The following NUP62CL variants were observed in gnomAD, a reference collection of about 807,000 sequenced individuals.
The protein encoded by NUP62CL is nucleoporin 62 C-terminal like.
NUP62CL carries 13 observed loss-of-function variants against 15.3 expected under a neutral mutation model. That is an observed-to-expected ratio of 0.85 (90% CI 0.55 to 1.35). The LOEUF (loss-of-function observed/expected upper bound fraction) is 1.35. Among genes scored for constraint, NUP62CL ranks in the 40% most tolerant of loss-of-function variants. The pLI, the probability that NUP62CL is intolerant of heterozygous loss-of-function variation, is 0.00. For missense variants in NUP62CL, 123 were observed against 130.6 expected (o/e 0.94, Z 0.28); for synonymous variants, 54 against 49.2 (o/e 1.10, Z -0.41).
rs758293272 is a variant in NUP62CL at position 107,153,284 on chromosome X, TA to T, written c.417del (p.Phe139LeufsTer9). The T allele has an allele frequency of 8.3e-7, 1 of 1,207,433 alleles. No homozygotes were observed. The highest frequency in any genetic ancestry group is 2.2e-5 in the Admixed American group (1 of 45,795). Reference protein sequence around the residue: ...DQKRLEQELDFILSQQQELEF... With the variant: ...DQKRLEQELDXILSQQQELEF... ...TCTAGTTCCTGCTGCTGTGACAGGA[TA>T]AAATCCAATTCTTGTTCCAATCTGA... On this transcript the variant is annotated frameshift_variant, in exon 7 of 9. Transcript: ENST00000372466. LOFTEE classifies it high-confidence loss of function.
intron 4 of NUP62CL, among the ~76,000 whole-genome samples, chrX:107,164,400 A>G (rs1429797218): frequency 9.0e-6 from 1 of 111,166 alleles, no homozygotes; most frequent in Non-Finnish European, 1.9e-5. Flanking sequence ...AAAATAGGAA[A>G]AATCTCAAAT....
At chrX:107,164,229 T>C (rs541866539) in intron 4 of NUP62CL, among the ~76,000 whole-genome samples, 3 of 111,886 alleles carry the variant, frequency 2.7e-5, no homozygotes, top group African/African-American at 9.7e-5. Flanking sequence ...ACTTGGAAAT[T>C]AAACAACACA....
rs1159406482 is a variant in NUP62CL at position 107,206,253 on chromosome X, C to G, written c.-92+20G>C. On this transcript the variant is annotated intron_variant, in intron 1 of 8. Coordinates refer to ENST00000372466, the MANE Select transcript of NUP62CL (RefSeq NM_017681.3). ...GAAGCCTGCTGACGAACGGGACAAA[C>G]GAAAACCCCACAAACTTACCTTACT... The G allele has an allele frequency of 9.0e-6, 1 of 110,570 alleles. No individual in the cohort carries two copies. Among genetic ancestry groups the G allele is most frequent in the East Asian group, 2.9e-4 (1 of 3,508 alleles). The allele number at this position is 110,570 out of a possible 1,213,427, so 9.1% of individuals were successfully genotyped here.
chrX:107,143,386 A>ATT (rs530360538), intron 8 of NUP62CL, among the ~76,000 whole-genome samples: 9 of 106,091 alleles, frequency 8.5e-5, no homozygotes, highest in Non-Finnish European at 1.6e-4. Context: ...ACACCCAGCT[A>ATT]TTTTTTTTTT....
chrX:107,146,908 T>A (rs1391666857), intron 8 of NUP62CL, among the ~76,000 whole-genome samples: 3 of 111,390 alleles, frequency 2.7e-5, no homozygotes, highest in Admixed American at 9.6e-5. Context: ...TTGGTTCCTT[T>A]TAGTGTGAAT....
intron 4 of NUP62CL, among the ~76,000 whole-genome samples, chrX:107,156,713 C>A (rs1395881347): frequency 1.0e-5 from 1 of 97,288 alleles, no homozygotes; most frequent in Non-Finnish European, 2.1e-5. Flanking sequence ...AACTCTAAAA[C>A]GCAGAGCGCC....
chrX:107,191,727 T>A (rs1389222060), intron 2 of NUP62CL, among the ~76,000 whole-genome samples: 1 of 111,030 alleles, frequency 9.0e-6, no homozygotes, highest in African/African-American at 3.3e-5. Context: ...AAAGGACTTA[T>A]ACTTCCTCTT....
chrX:107,163,699 G>A (rs903145521), intron 4 of NUP62CL, among the ~76,000 whole-genome samples: 1 of 111,516 alleles, frequency 9.0e-6, no homozygotes, highest in South Asian at 3.7e-4. Flanking sequence ...TTTTTAAAAA[G>A]AAATGGCTAT....
intron 4 of NUP62CL, among the ~76,000 whole-genome samples, chrX:107,162,407 C>G (rs1477742492): frequency 2.3e-4 from 26 of 110,851 alleles, no homozygotes. Context: ...GAGAATAACT[C>G]AAATCCACGC....
At chrX:107,167,619 A>C (rs1926546850) in intron 4 of NUP62CL, 30 bp downstream of exon 4, 2 of 1,029,773 alleles carry the variant, frequency 1.9e-6, no homozygotes, top group Admixed American at 5.1e-5. Context: ...AAAATGAAAC[A>C]CATGCAAGTT....
At position 107,182,567 on chromosome X, in the gene NUP62CL, A is replaced by G. The variant is rs1019404303; in HGVS notation, c.-47-7374T>C. ...AGAATAGAGGTAGTGACCTTACACT[A>G]CAAGATAGGGGGGGCATGCTACAGT... On this transcript the variant is annotated intron_variant, in intron 2 of 8. Transcript: ENST00000372466. 4.3e-5 allele frequency among the ~76,000 whole-genome samples: 4 copies of G among 93,251 alleles called. No homozygotes were observed. In the Admixed American group the frequency reaches 4.8e-4, roughly 11 times the overall value. The allele number at this position is 93,251 out of a possible 115,157, so 81.0% of individuals were successfully genotyped here. A position where few individuals can be genotyped will look rare whatever the true frequency, so the allele number is the denominator to read the frequency against.
chrX:107,133,268 T>A (rs942517381), intron 8 of NUP62CL, among the ~76,000 whole-genome samples: 2 of 111,503 alleles, frequency 1.8e-5, no homozygotes, highest in African/African-American at 3.3e-5. Flanking sequence ...CTTCCATTCC[T>A]ACTGTTAAAT....
At chrX:107,199,395 C>T (rs1927430236) in intron 1 of NUP62CL, among the ~76,000 whole-genome samples, 1 of 111,830 alleles carries the variant, frequency 8.9e-6, no homozygotes, top group Non-Finnish European at 1.9e-5. Flanking sequence ...AGCCTGGGTA[C>T]CTATCATAAG....
chrX:107,145,340 TA>T (rs952485105), intron 8 of NUP62CL, among the ~76,000 whole-genome samples: 39 of 111,151 alleles, frequency 3.5e-4, no homozygotes, highest in African/African-American at 1.2e-3. Flanking sequence ...TAACTCTGGT[TA>T]ACTAGCTCCC....
At chrX:107,146,061 T>G in intron 8 of NUP62CL, among the ~76,000 whole-genome samples, 1 of 112,088 alleles carries the variant, frequency 8.9e-6, no homozygotes, top group East Asian at 2.8e-4. Flanking sequence ...TGGTATTGTA[T>G]ACTTCTTATC....
chrX:107,142,809 T>C (rs1925803612), intron 8 of NUP62CL, among the ~76,000 whole-genome samples: 1 of 112,026 alleles, frequency 8.9e-6, no homozygotes, highest in African/African-American at 3.2e-5. Flanking sequence ...TTTCAATGAC[T>C]ACCAACTCAG....
At chrX:107,185,459 A>T (rs1462960776) in intron 2 of NUP62CL, among the ~76,000 whole-genome samples, 1 of 111,149 alleles carries the variant, frequency 9.0e-6, no homozygotes, top group Non-Finnish European at 1.9e-5. Context: ...CAAATGGGGA[A>T]GGGTTAAGGG....
chrX:107,176,201 A>G (rs977305500), intron 2 of NUP62CL, among the ~76,000 whole-genome samples: 5 of 111,531 alleles, frequency 4.5e-5, no homozygotes, highest in Non-Finnish European at 9.4e-5. Flanking sequence ...TACTATAAAA[A>G]ATGGAGATTT....
At chrX:107,168,716 G>A in intron 3 of NUP62CL, among the ~76,000 whole-genome samples, 1 of 112,505 alleles carries the variant, frequency 8.9e-6, no homozygotes, top group East Asian at 2.8e-4. Flanking sequence ...ACTAGTAAAT[G>A]CTGCTTCTGT....
Sources: gnomAD v4.1 joint callset for allele counts (sites outside exome capture counted in the v4.1 genomes callset) on GRCh38, gnomAD v4.1.1 for gene constraint, MANE v1.5 for transcripts, NCBI Gene and HGNC (gene_info 2026-07-23, HGNC 2026-07-21) for gene names.